NCKAP5: variants seen among roughly 807,000 people sequenced by gnomAD.
NCKAP5 encodes nck-associated protein 5.
Under a neutral mutation model 167.0 loss-of-function variants are expected in NCKAP5, and 92 were observed. The ratio of observed to expected loss-of-function variants is 0.55; its 90% CI spans 0.47 to 0.66. NCKAP5 has a LOEUF of 0.66. Among genes scored for constraint, NCKAP5 ranks in the 30% least tolerant of loss-of-function variants. The pLI, the probability that NCKAP5 is intolerant of heterozygous loss-of-function variation, is 0.00. For missense variants in NCKAP5, 2,378 were observed against 2,315.0 expected (o/e 1.03, Z -0.56); for synonymous variants, 891 against 877.4 (o/e 1.02, Z -0.27).
chr2:133,034,319 G>T (rs943505641), intron 6 of NCKAP5, among the ~76,000 whole-genome samples: 1 of 152,130 alleles, frequency 6.6e-6, no homozygotes, highest in Non-Finnish European at 1.5e-5. Context: ...ACAAACAAAT[G>T]CTGAGGGATC....
At chr2:133,280,193 A>G (rs2089885513) in intron 4 of NCKAP5, among the ~76,000 whole-genome samples, 1 of 152,182 alleles carries the variant, frequency 6.6e-6, no homozygotes, top group Non-Finnish European at 1.5e-5. Context: ...ACAGGGAAAA[A>G]ATTCTCCCTC....
chr2:132,880,969 G>C (rs1241116936), intron 8 of NCKAP5, among the ~76,000 whole-genome samples: 1 of 152,148 alleles, frequency 6.6e-6, no homozygotes, highest in African/African-American at 2.4e-5. Context: ...TACAATCACA[G>C]TATAGTTGTT....
At chr2:133,141,242 C>T (rs937597901) in intron 5 of NCKAP5, among the ~76,000 whole-genome samples, 1 of 152,126 alleles carries the variant, frequency 6.6e-6, no homozygotes, top group Non-Finnish European at 1.5e-5. Context: ...ATTCACATCT[C>T]TTAACTGATG....
intron 5 of NCKAP5, among the ~76,000 whole-genome samples, chr2:133,186,527 C>G (rs2084954060): frequency 6.6e-6 from 1 of 151,198 alleles, no homozygotes; most frequent in African/African-American, 2.4e-5. Context: ...TCTAGTAAGA[C>G]TGGTACAAGT....
At chr2:133,319,624 A>T (rs1050878475) in intron 3 of NCKAP5, among the ~76,000 whole-genome samples, 3 of 152,198 alleles carry the variant, frequency 2.0e-5, no homozygotes, top group Non-Finnish European at 4.4e-5. Context: ...CATATTTGGG[A>T]TAGCAACGCA....
chr2:133,452,172 C>G (rs1691588278), intron 3 of NCKAP5, among the ~76,000 whole-genome samples: 1 of 152,200 alleles, frequency 6.6e-6, no homozygotes, highest in Non-Finnish European at 1.5e-5. Flanking sequence ...AATACCATGT[C>G]AAATGCAGCC....
chr2:133,011,919 G>C (rs558061147), intron 6 of NCKAP5, among the ~76,000 whole-genome samples: 2 of 152,130 alleles, frequency 1.3e-5, no homozygotes, highest in African/African-American at 2.4e-5. Context: ...GGAGGCCCCT[G>C]AGCCCTCTTT....
intron 6 of NCKAP5, among the ~76,000 whole-genome samples, chr2:133,108,439 A>G (rs1279328851): frequency 6.6e-6 from 1 of 152,202 alleles, no homozygotes; most frequent in Non-Finnish European, 1.5e-5. Context: ...AAACGCAGTC[A>G]CTCGCACACT....
chr2:133,213,533 C>T (rs1018720149), intron 5 of NCKAP5, among the ~76,000 whole-genome samples, 183 bp downstream of exon 5: 1 of 151,978 alleles, frequency 6.6e-6, no homozygotes, highest in South Asian at 2.1e-4. Flanking sequence ...CAATTAATAT[C>T]TCTCACTCTG....
the NCKAP5 span, among the ~76,000 whole-genome samples, chr2:133,620,831 A>T: frequency 6.6e-6 from 1 of 152,192 alleles, no homozygotes; most frequent in Non-Finnish European, 1.5e-5. Flanking sequence ...TCTATTCATC[A>T]GTACATGGAA....
chr2:133,033,027 C>A (rs537374625), intron 6 of NCKAP5, among the ~76,000 whole-genome samples: 2 of 152,168 alleles, frequency 1.3e-5, no homozygotes, highest in Non-Finnish European at 1.5e-5. Flanking sequence ...TTGGCAATTA[C>A]GATTAGATAT....
chr2:133,582,930 T>C, the NCKAP5 span, among the ~76,000 whole-genome samples: 5 of 152,188 alleles, frequency 3.3e-5, no homozygotes, highest in African/African-American at 1.2e-4. Context: ...ACTGACAAAA[T>C]TGTTTTGCAG....
intron 11 of NCKAP5, among the ~76,000 whole-genome samples, chr2:132,853,985 C>G (rs895257081): frequency 6.6e-6 from 1 of 152,192 alleles, no homozygotes; most frequent in African/African-American, 2.4e-5. Flanking sequence ...GTGAAACCAC[C>G]TCCCTGTACC....
At chr2:133,397,126 CA>C (rs1687780691) in intron 3 of NCKAP5, among the ~76,000 whole-genome samples, 1 of 152,108 alleles carries the variant, frequency 6.6e-6, no homozygotes, top group Non-Finnish European at 1.5e-5. Context: ...TTGCCTATTC[CA>C]AAAAGGAAAA....
chr2:133,525,218 C>A (rs13012085), intron 2 of NCKAP5, among the ~76,000 whole-genome samples: 1 of 152,162 alleles, frequency 6.6e-6, no homozygotes, highest in East Asian at 1.9e-4. Context: ...GAAATAGTCT[C>A]AGAGAGACAT....
At chr2:133,093,069 T>G (rs995777916) in intron 6 of NCKAP5, among the ~76,000 whole-genome samples, 2 of 152,146 alleles carry the variant, frequency 1.3e-5, no homozygotes, top group Admixed American at 1.3e-4. Context: ...ATCCCTTCCT[T>G]GTAGAGTTGT....
chr2:133,194,751 T>A (rs905102014), intron 5 of NCKAP5, among the ~76,000 whole-genome samples: 1 of 151,738 alleles, frequency 6.6e-6, no homozygotes, highest in African/African-American at 2.4e-5. Flanking sequence ...GTGAAGTGAA[T>A]TATTTTAAGA....
intron 3 of NCKAP5, among the ~76,000 whole-genome samples, chr2:133,326,055 T>C (rs1183507895): frequency 1.3e-5 from 2 of 152,192 alleles, no homozygotes; most frequent in East Asian, 3.9e-4. Flanking sequence ...GTAACTAGAA[T>C]CATGCAGCTC....
At chr2:133,330,382 G>C (rs1312319052) in intron 3 of NCKAP5, among the ~76,000 whole-genome samples, 1 of 147,804 alleles carries the variant, frequency 6.8e-6, no homozygotes, top group Non-Finnish European at 1.5e-5. Flanking sequence ...ACCATGCCTG[G>C]CTTACATTGT....
Sources: allele counts gnomAD v4.1 joint callset (sites outside exome capture counted in the v4.1 genomes callset), GRCh38; gene constraint gnomAD v4.1.1; transcripts MANE v1.5; gene names NCBI Gene and HGNC (gene_info 2026-07-23, HGNC 2026-07-21).